The following PELI1 variants were observed in gnomAD, a reference collection of about 807,000 sequenced individuals.
PELI1 encodes the protein E3 ubiquitin-protein ligase pellino homolog 1.
Under a neutral mutation model 41.3 loss-of-function variants are expected in PELI1, and 15 were observed. That is an observed-to-expected ratio of 0.36 (90% CI 0.24 to 0.56). PELI1 has a LOEUF of 0.56. Ranked by LOEUF, PELI1 falls within the 20% of genes least tolerant of loss-of-function variation. The pLI is 0.82. For missense variants in PELI1, 403 were observed against 525.5 expected, an observed-to-expected ratio of 0.77 and a Z score of 2.28; for synonymous variants, 178 against 180.1, an observed-to-expected ratio of 0.99 and a Z score of 0.09.
chr2:64,101,523 C>T (rs1192930881), intron 3 of PELI1, among the ~76,000 whole-genome samples: 1 of 152,024 alleles, frequency 6.6e-6, no homozygotes, highest in Non-Finnish European at 1.5e-5. Flanking sequence ...AAAATCTAGT[C>T]ATCACACAAA....
intron 6 of PELI1, among the ~76,000 whole-genome samples, chr2:64,095,729 T>C (rs887472278): frequency 9.9e-5 from 15 of 152,202 alleles, no homozygotes; most frequent in African/African-American, 3.4e-4. Flanking sequence ...CCGCAACCTC[T>C]GCCTGCCAGG....
At chr2:64,124,975 A>C (rs959474413) in intron 1 of PELI1, among the ~76,000 whole-genome samples, 1 of 152,112 alleles carries the variant, frequency 6.6e-6, no homozygotes, top group African/African-American at 2.4e-5. Flanking sequence ...TTACTGGTAC[A>C]GCTCACAGAA....
intron 1 of PELI1, among the ~76,000 whole-genome samples, chr2:64,125,109 T>C (rs976604304): frequency 1.1e-4 from 16 of 151,682 alleles, no homozygotes; most frequent in African/African-American, 3.9e-4. Flanking sequence ...GCGGGGAGGG[T>C]AGAGCAGTGG....
At chr2:64,097,993 A>C (rs1158728658) in intron 4 of PELI1, among the ~76,000 whole-genome samples, 5 of 152,186 alleles carry the variant, frequency 3.3e-5, no homozygotes, top group South Asian at 2.1e-4. Context: ...AAGCTAAAAG[A>C]TATAGGCCAA....
intron 1 of PELI1, chr2:64,143,440 G>A (rs1216011650): frequency 6.6e-6 from 1 of 152,136 alleles, no homozygotes; most frequent in Non-Finnish European, 1.5e-5. Context: ...ACGAGGCGCG[G>A]TAGAAGATCA....
chr2:64,099,543 A>C (rs919635415), intron 4 of PELI1, among the ~76,000 whole-genome samples: 4 of 152,222 alleles, frequency 2.6e-5, no homozygotes, highest in Non-Finnish European at 4.4e-5. Flanking sequence ...TCTCATTAAA[A>C]GGGTTGGGCA....
intron 1 of PELI1, among the ~76,000 whole-genome samples, chr2:64,120,677 T>C (rs1681178122): frequency 6.6e-6 from 1 of 152,252 alleles, no homozygotes; most frequent in Non-Finnish European, 1.5e-5. Flanking sequence ...TCAATTACAC[T>C]ATACTGAATG....
chr2:64,135,396 A>C (rs1681684242), intron 1 of PELI1, among the ~76,000 whole-genome samples: 1 of 152,184 alleles, frequency 6.6e-6, no homozygotes, highest in African/African-American at 2.4e-5. Context: ...GAAATAGGCA[A>C]GGAAAGTTTA....
chr2:64,131,327 T>C (rs1681547895), intron 1 of PELI1, among the ~76,000 whole-genome samples: 1 of 151,742 alleles, frequency 6.6e-6, no homozygotes, highest in Admixed American at 6.6e-5. Context: ...CACACATATA[T>C]ATATACACAC....
chr2:64,099,561 T>G (rs1680355754), intron 4 of PELI1, among the ~76,000 whole-genome samples: 1 of 152,092 alleles, frequency 6.6e-6, no homozygotes, highest in Non-Finnish European at 1.5e-5. Context: ...GCAGAGGGAG[T>G]GGCTTCAAAG....
At chr2:64,107,705 T>TCTTA (rs1314842901) in intron 2 of PELI1, among the ~76,000 whole-genome samples, 1 of 150,184 alleles carries the variant, frequency 6.7e-6, no homozygotes, top group Non-Finnish European at 1.5e-5. Context: ...TGAGACAGAG[T>TCTTA]CTTACTCTGT....
At chr2:64,121,906 C>CAA (rs75975996) in intron 1 of PELI1, among the ~76,000 whole-genome samples, 24 of 74,142 alleles carry the variant, frequency 3.2e-4, no homozygotes, top group South Asian at 7.8e-4. Flanking sequence ...ACTCCGTCTT[C>CAA]AAAAAAAAAA....
intron 1 of PELI1, among the ~76,000 whole-genome samples, chr2:64,109,541 G>T (rs548157631): frequency 6.6e-6 from 1 of 152,060 alleles, no homozygotes; most frequent in Non-Finnish European, 1.5e-5. Context: ...TTAGCCGGGC[G>T]TGGTGGCACA....
At chr2:64,113,790 T>G (rs528251197) in intron 1 of PELI1, among the ~76,000 whole-genome samples, 1 of 152,328 alleles carries the variant, frequency 6.6e-6, no homozygotes, top group South Asian at 2.1e-4. Context: ...GAAATACAAT[T>G]ATTTTCATAT....
At chr2:64,142,400 T>G (rs977635098) in intron 1 of PELI1, among the ~76,000 whole-genome samples, 13 of 152,160 alleles carry the variant, frequency 8.5e-5, no homozygotes, top group African/African-American at 2.7e-4. Flanking sequence ...TTAAGAGAAT[T>G]TAGAGTAAGT....
chr2:64,105,161 T>A (rs1003881884), intron 2 of PELI1, among the ~76,000 whole-genome samples: 1 of 152,242 alleles, frequency 6.6e-6, no homozygotes, highest in African/African-American at 2.4e-5. Context: ...TGACTCATTC[T>A]GTTTTTTTAA....
At chr2:64,118,832 GA>G (rs1681105806) in intron 1 of PELI1, among the ~76,000 whole-genome samples, 1 of 152,120 alleles carries the variant, frequency 6.6e-6, no homozygotes, top group Admixed American at 6.6e-5. Flanking sequence ...ATTTATGGCT[GA>G]AAAACTATGC....
At chr2:64,108,540 A>G (rs1680697515) in intron 1 of PELI1, among the ~76,000 whole-genome samples, 161 bp from the exon 2 acceptor site, 1 of 152,262 alleles carries the variant, frequency 6.6e-6, no homozygotes, top group South Asian at 2.1e-4. Context: ...TATATTTTAC[A>G]AAACTGTTTA....
At chr2:64,142,448 T>C (rs1267576105) in intron 1 of PELI1, among the ~76,000 whole-genome samples, 2 of 152,224 alleles carry the variant, frequency 1.3e-5, no homozygotes, top group African/African-American at 4.8e-5. Context: ...GATTATTATT[T>C]ACCTGAGGAA....
Sources: gnomAD v4.1 joint callset for allele counts (sites outside exome capture counted in the v4.1 genomes callset) on GRCh38, gnomAD v4.1.1 for gene constraint, MANE v1.5 for transcripts, NCBI Gene and HGNC (gene_info 2026-07-23, HGNC 2026-07-21) for gene names.